ARGLU1: variants seen among roughly 807,000 people sequenced by gnomAD.
The protein encoded by ARGLU1 is arginine and glutamate-rich protein 1.
A neutral mutation model predicts 37.6 loss-of-function variants in ARGLU1; 9 were observed. The observed-to-expected ratio is 0.24, with a 90% CI of 0.14 to 0.42. The LOEUF (loss-of-function observed/expected upper bound fraction) is 0.42. ARGLU1 is among the 10% of genes least tolerant of loss of function. The pLI, the probability that ARGLU1 is intolerant of heterozygous loss-of-function variation, is 1.00. For synonymous variants in ARGLU1, 166 were observed against 138.5 expected, an observed-to-expected ratio of 1.20 and a Z score of -1.39; for missense variants, 211 against 359.2, an observed-to-expected ratio of 0.59 and a Z score of 3.34.
Position 106,567,274 on chromosome 13 carries a change from C to T in ARGLU1, c.347+299G>A, listed in dbSNP as rs1852702077. On this transcript the variant is annotated intron_variant, in intron 1 of 3. Coordinates refer to ENST00000400198, the MANE Select transcript of ARGLU1 (RefSeq NM_018011.4). The surrounding 1 kb of genome is among the most constrained non-coding windows in gnomAD (Gnocchi z 4.3). ...CTCTCCGACCTCACTCCGAACTCCA[C>T]CCCTACTTCCGGGACACCACTCCTC... Among the ~76,000 whole-genome samples, 1 of 151,878 alleles carries T rather than the reference C, an allele frequency of 6.6e-6. No individual in the cohort carries two copies. The highest frequency in any genetic ancestry group is 1.5e-5 in the Non-Finnish European group (1 of 68,002).
chr13:106,550,153 A>G (rs983782362), intron 3 of ARGLU1, among the ~76,000 whole-genome samples: 2 of 152,148 alleles, frequency 1.3e-5, no homozygotes, highest in South Asian at 2.1e-4. Context: ...TCTGGTTCCT[A>G]CAACAGACTT....
At chr13:106,563,533 G>A (rs796566511) in intron 1 of ARGLU1, among the ~76,000 whole-genome samples, 9 of 152,324 alleles carry the variant, frequency 5.9e-5, no homozygotes, top group East Asian at 1.9e-4. Context: ...GCCAGGCACG[G>A]TGGCTCACAT....
chr13:106,556,086 TAAA>T (rs893804469), intron 3 of ARGLU1, among the ~76,000 whole-genome samples: 2 of 149,132 alleles, frequency 1.3e-5, no homozygotes, highest in African/African-American at 4.9e-5. Flanking sequence ...CCAGAATAAC[TAAA>T]AAAAAAAGTT....
chr13:106,567,925 C>G lies in ARGLU1; in HGVS notation c.-6G>C. The G allele has an allele frequency of 6.2e-7, 1 of 1,604,788 alleles. No individual in the cohort carries two copies. The highest frequency in any genetic ancestry group is 8.5e-7 in the Non-Finnish European group (1 of 1,178,810). ...CGGCTCCGAGACCGGCCCATCCTTC[C>G]GGGAGACGCTCTAACCGCTCGCCTC... On this transcript the variant is annotated 5_prime_UTR_variant, in exon 1 of 4. Coordinates refer to ENST00000400198, the MANE Select transcript of ARGLU1 (RefSeq NM_018011.4). The surrounding 1 kb of genome is among the most constrained non-coding windows in gnomAD (Gnocchi z 4.3).
At chr13:106,547,329 G>A (rs1880418775) in intron 3 of ARGLU1, among the ~76,000 whole-genome samples, 1 of 152,170 alleles carries the variant, frequency 6.6e-6, no homozygotes, top group South Asian at 2.1e-4. Flanking sequence ...ATGCCAGCAA[G>A]TACATTTTCT....
chr13:106,568,084 G>C lies in ARGLU1; in HGVS notation c.-165C>G. On this transcript the variant is annotated 5_prime_UTR_variant, in exon 1 of 4. Coordinates refer to ENST00000400198, the MANE Select transcript of ARGLU1 (RefSeq NM_018011.4). ...TCCCGGCGTCTACAGCTGCCACGAA[G>C]GCCGCCTCCAACGAGAAACCCGTAG... 3 of 1,117,820 alleles carry C rather than the reference G, an allele frequency of 2.7e-6. No individual in the cohort carries two copies. Among genetic ancestry groups the C allele is most frequent in the Non-Finnish European group, 3.6e-6 (3 of 834,444 alleles). The allele number at this position is 1,117,820 out of a possible 1,614,324, so 69.2% of individuals were successfully genotyped here.
At chr13:106,545,762 C>T (rs1017954164) in intron 3 of ARGLU1, among the ~76,000 whole-genome samples, 4 of 152,082 alleles carry the variant, frequency 2.6e-5, no homozygotes, top group African/African-American at 7.2e-5. Context: ...ACAAATCAAC[C>T]GCAGTCAAGT....
rs545328986 is a variant in ARGLU1 at position 106,560,574 on chromosome 13, T to C, written c.348-917A>G. On this transcript the variant is annotated intron_variant, in intron 1 of 3. Coordinates refer to ENST00000400198, the MANE Select transcript of ARGLU1 (RefSeq NM_018011.4). ...ATTTTTATTTGATTGCGTGTTAAAA[T>C]GATATTTTGGATAAAAATATACAAT... is the stretch of plus-strand genomic sequence containing the variant. Among the ~76,000 whole-genome samples, 119 of 152,324 alleles carry C rather than the reference T, an allele frequency of 7.8e-4. 2 individuals carry two copies. The South Asian group carries it at 0.024, about 30-fold the overall frequency.
intron 3 of ARGLU1, among the ~76,000 whole-genome samples, chr13:106,555,026 T>A (rs1880627586): frequency 6.6e-6 from 1 of 152,120 alleles, no homozygotes; most frequent in African/African-American, 2.4e-5. Context: ...CTAAGATATG[T>A]TTTTTACTGA....
intron 3 of ARGLU1, 42 bp from the exon 4 acceptor site, chr13:106,544,202 A>G: frequency 6.8e-7 from 1 of 1,481,246 alleles, no homozygotes; most frequent in Non-Finnish European, 9.0e-7. Flanking sequence ...AATGTATTAA[A>G]AATTATCATA....
intron 3 of ARGLU1, among the ~76,000 whole-genome samples, chr13:106,549,889 C>T (rs1566471411): frequency 6.6e-6 from 1 of 152,184 alleles, no homozygotes; most frequent in Non-Finnish European, 1.5e-5. Flanking sequence ...CCTGAGCACT[C>T]TGGAGAGACT....
intron 3 of ARGLU1, among the ~76,000 whole-genome samples, chr13:106,549,891 GGA>G (rs1335296915): frequency 6.6e-6 from 1 of 152,152 alleles, no homozygotes; most frequent in East Asian, 1.9e-4. Context: ...TGAGCACTCT[GGA>G]GAGACTGCTG....
intron 3 of ARGLU1, among the ~76,000 whole-genome samples, chr13:106,550,790 G>C (rs979675609): frequency 2.0e-5 from 3 of 152,138 alleles, no homozygotes; most frequent in Non-Finnish European, 4.4e-5. Flanking sequence ...GTTTCTTGGT[G>C]TGTGGACACT....
intron 1 of ARGLU1, among the ~76,000 whole-genome samples, chr13:106,563,169 G>A (rs1880861804): frequency 6.6e-6 from 1 of 152,004 alleles, no homozygotes; most frequent in African/African-American, 2.4e-5. Context: ...TTACTTCTAG[G>A]AATCGCTTAA....
chr13:106,556,935 G>C, intron 3 of ARGLU1, 113 bp downstream of exon 3: 2 of 872,570 alleles, frequency 2.3e-6, no homozygotes, highest in East Asian at 5.1e-5. Context: ...AGTTAGTCCT[G>C]AGAATCCCCC....
chr13:106,560,226 CCTTA>C (rs1307755781), intron 1 of ARGLU1, among the ~76,000 whole-genome samples: 1 of 152,122 alleles, frequency 6.6e-6, no homozygotes, highest in Non-Finnish European at 1.5e-5. Flanking sequence ...CTTTATAGTT[CCTTA>C]CTATGTCTTT....
At chr13:106,552,981 T>C (rs1185107821) in intron 3 of ARGLU1, among the ~76,000 whole-genome samples, 2 of 152,218 alleles carry the variant, frequency 1.3e-5, no homozygotes, top group East Asian at 3.8e-4. Flanking sequence ...GATGAGCTCG[T>C]GTGGCTAGGC....
At position 106,567,569 on chromosome 13, in the gene ARGLU1, T is replaced by C. The variant is rs763102600; in HGVS notation, c.347+4A>G. Reference sequence around the variant, plus strand: ...CCCCGGTCCCTCCCCGCGCGGGCACTCACATTTTTCGCTGCCGCTCGAACT... The same window carrying C: ...CCCCGGTCCCTCCCCGCGCGGGCACCCACATTTTTCGCTGCCGCTCGAACT... On this transcript the variant is annotated splice_donor_region_variant and intron_variant, in intron 1 of 3. Transcript: ENST00000400198. The surrounding 1 kb of genome is among the most constrained non-coding windows in gnomAD (Gnocchi z 4.3). The C allele has an allele frequency of 6.3e-7, 1 of 1,598,670 alleles. No individual in the cohort carries two copies. Among genetic ancestry groups the C allele is most frequent in the Non-Finnish European group, 8.6e-7 (1 of 1,166,616 alleles).
rs576694378 is a variant in ARGLU1, at chr13:106,556,943, C to T, written c.657+105G>A. 3.1e-6 allele frequency: 3 copies of T among 952,630 alleles called. No individual in the cohort carries two copies. The African/African-American group carries it at 4.9e-5, about 15-fold the overall frequency. The allele number at this position is 952,630 out of a possible 1,614,324, so 59.0% of individuals were successfully genotyped here. On this transcript the variant is annotated intron_variant, in intron 3 of 3. Transcript: ENST00000400198. ...CCTTTAAAGTTAGTCCTGAGAATCCCCCCAAAATAAGTCAAATTATAGGGC... is the reference window on the plus strand; with the variant it reads ...CCTTTAAAGTTAGTCCTGAGAATCCTCCCAAAATAAGTCAAATTATAGGGC...
Sources: gnomAD v4.1 joint callset for allele counts (sites outside exome capture counted in the v4.1 genomes callset) on GRCh38, gnomAD v4.1.1 for gene constraint, Gnocchi (gnomAD v3.1) non-coding constraint, MANE v1.5 for transcripts, NCBI Gene and HGNC (gene_info 2026-07-23, HGNC 2026-07-21) for gene names.